The following ARHGAP10 variants were observed in gnomAD, a reference collection of about 807,000 sequenced individuals.
ARHGAP10 encodes the protein Rho GTPase activating protein 10.
In ARHGAP10, 87 loss-of-function variants were observed where a neutral mutation model predicts 108.6. The observed-to-expected ratio is 0.80, with a 90% confidence interval of 0.67 to 0.96. The LOEUF (loss-of-function observed/expected upper bound fraction) is 0.96, where lower values mean the gene tolerates loss of function less well. Among genes scored for constraint, ARHGAP10 ranks in the 40% least tolerant of loss-of-function variants. The probability of loss-of-function intolerance (pLI) is 0.00; values close to 1 mark genes in which losing one functional copy is unlikely to be tolerated. For synonymous variants in ARHGAP10, 347 were observed against 341.1 expected, an observed-to-expected ratio of 1.02 and a Z score of -0.19; for missense variants, 939 against 954.5, an observed-to-expected ratio of 0.98 and a Z score of 0.21.
chr4:147,921,812 T>C (rs780633247), intron 13 of ARHGAP10, among the ~76,000 whole-genome samples: 33 of 152,166 alleles, frequency 2.2e-4, no homozygotes, highest in Admixed American at 6.5e-4. Context: ...CTGGTGCCCC[T>C]GTAGTCGTTT....
In ARHGAP10 at chr4:147,987,449, G is replaced by C. The variant is rs531473569; in HGVS notation, c.1716+20610G>C. Among the ~76,000 whole-genome samples, 37 of 152,246 alleles carry C rather than the reference G, an allele frequency of 2.4e-4. 1 individual carries two copies. In the South Asian group the frequency reaches 7.1e-3, roughly 29 times the overall value. On this transcript the variant is annotated intron_variant, in intron 18 of 22. Transcript: ENST00000336498. ...TTACCTTTTTCTGGGTCCCTCCTCAGTCTGTAGTGCCCTGTAGTCATTTGG... is the reference window on the plus strand; with the variant it reads ...TTACCTTTTTCTGGGTCCCTCCTCACTCTGTAGTGCCCTGTAGTCATTTGG...
intron 15 of ARHGAP10, among the ~76,000 whole-genome samples, chr4:147,949,364 C>T (rs895620894): frequency 1.8e-4 from 27 of 152,336 alleles, no homozygotes; most frequent in Admixed American, 1.7e-3. Flanking sequence ...GTCTTGTTCA[C>T]TGCAGTATCC....
At chr4:147,916,362 C>A (rs572875138) in intron 13 of ARHGAP10, among the ~76,000 whole-genome samples, 2 of 152,278 alleles carry the variant, frequency 1.3e-5, no homozygotes, top group East Asian at 3.9e-4. Flanking sequence ...ACAATACTTA[C>A]TATTTTATGG....
intron 18 of ARHGAP10, among the ~76,000 whole-genome samples, chr4:148,002,211 A>T (rs1034121818): frequency 6.6e-6 from 1 of 152,166 alleles, no homozygotes; most frequent in South Asian, 2.1e-4. Context: ...ATGATGGATT[A>T]AGTTTGTTGA....
intron 1 of ARHGAP10, among the ~76,000 whole-genome samples, chr4:147,777,407 C>T (rs551053097): frequency 3.9e-5 from 6 of 151,946 alleles, no homozygotes; most frequent in East Asian, 1.9e-4. Flanking sequence ...TACAGGCACC[C>T]GCCACCATGC....
chr4:148,049,927 G>T (rs1729058315), intron 20 of ARHGAP10, among the ~76,000 whole-genome samples: 1 of 151,870 alleles, frequency 6.6e-6, no homozygotes, highest in Non-Finnish European at 1.5e-5. Flanking sequence ...GAGTGTGGTG[G>T]CATGATCTCG....
At chr4:147,832,115 C>CA (rs919807572) in intron 3 of ARHGAP10, among the ~76,000 whole-genome samples, 13 of 152,222 alleles carry the variant, frequency 8.5e-5, no homozygotes, top group East Asian at 5.8e-4. Flanking sequence ...CACACACACA[C>CA]AAGGGACCCT....
At chr4:147,827,953 G>A (rs1732787895) in intron 3 of ARHGAP10, among the ~76,000 whole-genome samples, 1 of 152,022 alleles carries the variant, frequency 6.6e-6, no homozygotes, top group Non-Finnish European at 1.5e-5. Context: ...CTACAGGTGT[G>A]CGCCACCACG....
intron 1 of ARHGAP10, among the ~76,000 whole-genome samples, chr4:147,779,917 C>T (rs1365351076): frequency 6.6e-6 from 1 of 152,128 alleles, no homozygotes; most frequent in Non-Finnish European, 1.5e-5. Flanking sequence ...GTAATTTTCC[C>T]TAGACACTTA....
chr4:147,839,845 C>T (rs537670179), intron 3 of ARHGAP10, among the ~76,000 whole-genome samples: 4 of 152,224 alleles, frequency 2.6e-5, no homozygotes, highest in Admixed American at 1.3e-4. Context: ...TCCTTACATC[C>T]GAATGTCTGA....
intron 22 of ARHGAP10, among the ~76,000 whole-genome samples, chr4:148,071,374 G>C (rs1033512334): frequency 6.6e-6 from 1 of 152,218 alleles, no homozygotes; most frequent in African/African-American, 2.4e-5. Context: ...CCAGCACTCT[G>C]GGGGGCCAAG....
chr4:147,840,615 C>T (rs927093699), intron 3 of ARHGAP10, among the ~76,000 whole-genome samples: 1 of 152,158 alleles, frequency 6.6e-6, no homozygotes, highest in Admixed American at 6.5e-5. Context: ...TTTGTGGCTC[C>T]ATTGGCTTAT....
intron 20 of ARHGAP10, among the ~76,000 whole-genome samples, chr4:148,053,874 C>T (rs1002647751): frequency 1.3e-5 from 2 of 152,148 alleles, no homozygotes; most frequent in Non-Finnish European, 2.9e-5. Context: ...CTTTGCTGTG[C>T]TGTAGCTGCA....
chr4:147,976,441 C>A (rs948727670), intron 18 of ARHGAP10, among the ~76,000 whole-genome samples: 2 of 151,950 alleles, frequency 1.3e-5, no homozygotes, highest in Admixed American at 6.6e-5. Flanking sequence ...AATCCCATAG[C>A]AAGAATATTT....
chr4:147,847,540 C>T (rs769942118), intron 4 of ARHGAP10, among the ~76,000 whole-genome samples: 17 of 152,138 alleles, frequency 1.1e-4, no homozygotes, highest in Non-Finnish European at 2.2e-4. Flanking sequence ...TATTTCTGTG[C>T]GCACCTCAGT....
Position 147,897,208 on chromosome 4 carries a change from T to C in ARHGAP10, c.1035-9430T>C, listed in dbSNP as rs561290574. ...CTTGAGTTCTGTTTTTAAAAAAATA[T>C]GCTAGCCATTGCTTTTTAAGCAGAG... is the stretch of plus-strand genomic sequence containing the variant. On this transcript the variant is annotated intron_variant, in intron 10 of 22. Coordinates refer to ENST00000336498, the MANE Select transcript of ARHGAP10 (RefSeq NM_024605.4). Among the ~76,000 whole-genome samples the C allele has an allele frequency of 1.3e-4, 20 of 151,876 alleles. 1 individual carries two copies. In the Middle Eastern group the frequency reaches 0.01, roughly 78 times the overall value.
intron 1 of ARHGAP10, among the ~76,000 whole-genome samples, chr4:147,784,649 A>G (rs1309731003): frequency 4.0e-5 from 1 of 24,696 alleles, no homozygotes; most frequent in African/African-American, 1.3e-4. Flanking sequence ...AATATAAAAT[A>G]TATATTATAA....
intron 22 of ARHGAP10, among the ~76,000 whole-genome samples, chr4:148,066,494 C>T (rs576698144): frequency 1.3e-5 from 2 of 152,364 alleles, no homozygotes; most frequent in South Asian, 2.1e-4. Flanking sequence ...GACTTACGTT[C>T]TCCAGGTCTA....
At chr4:147,924,724 G>A (rs35484289) in intron 13 of ARHGAP10, among the ~76,000 whole-genome samples, 1 of 149,322 alleles carries the variant, frequency 6.7e-6, no homozygotes, top group Non-Finnish European at 1.5e-5. Flanking sequence ...TGTAATCTCA[G>A]TTTTACTCCT....
Sources: gnomAD v4.1 joint callset for allele counts (sites outside exome capture counted in the v4.1 genomes callset) on GRCh38, gnomAD v4.1.1 for gene constraint, MANE v1.5 for transcripts, NCBI Gene and HGNC (gene_info 2026-07-23, HGNC 2026-07-21) for gene names.